The following ANKS1B variants were observed in gnomAD, a reference collection of about 807,000 sequenced individuals.
ANKS1B encodes ankyrin repeat and sterile alpha motif domain containing 1B.
A neutral mutation model predicts 148.3 loss-of-function variants in ANKS1B; 36 were observed. The observed-to-expected ratio is 0.24, with a 90% CI of 0.19 to 0.32. The LOEUF (loss-of-function observed/expected upper bound fraction) is 0.32. ANKS1B is among the 10% of genes least tolerant of loss of function. ANKS1B has a pLI of 1.00. For missense variants in ANKS1B, 1,157 were observed against 1,542.6 expected (o/e 0.75, Z 4.19); for synonymous variants, 542 against 560.8 (o/e 0.97, Z 0.47).
At chr12:99,751,088 G>C (rs544522554) in intron 8 of ANKS1B, among the ~76,000 whole-genome samples, 5 of 151,718 alleles carry the variant, frequency 3.3e-5, no homozygotes, top group Admixed American at 6.6e-5. Flanking sequence ...ATATTCATAA[G>C]TAGTCTACAT....
intron 1 of ANKS1B, among the ~76,000 whole-genome samples, chr12:99,843,048 AGTTT>A (rs2086024171): frequency 6.6e-6 from 1 of 151,934 alleles, no homozygotes; most frequent in South Asian, 2.1e-4. Context: ...TAGTTTCTTC[AGTTT>A]GTTTGTTTGT....
intron 15 of ANKS1B, among the ~76,000 whole-genome samples, chr12:99,091,033 T>A (rs1042865803): frequency 3.9e-5 from 6 of 152,144 alleles, no homozygotes; most frequent in Non-Finnish European, 5.9e-5. Context: ...CAATAAAATT[T>A]CTTGCATACA....
chr12:99,883,373 T>C (rs1439430409), intron 1 of ANKS1B, among the ~76,000 whole-genome samples: 2 of 152,156 alleles, frequency 1.3e-5, no homozygotes, highest in Non-Finnish European at 2.9e-5. Flanking sequence ...TCACGCATTA[T>C]ACAGAACTTA....
At chr12:99,519,077 G>A (rs1295142425) in intron 9 of ANKS1B, among the ~76,000 whole-genome samples, 1 of 151,992 alleles carries the variant, frequency 6.6e-6, no homozygotes. Flanking sequence ...ATTTTGGCCA[G>A]AGAAAATGCT....
intron 12 of ANKS1B, among the ~76,000 whole-genome samples, chr12:99,344,416 T>C (rs1466279988): frequency 6.6e-6 from 1 of 152,068 alleles, no homozygotes; most frequent in Non-Finnish European, 1.5e-5. Flanking sequence ...GAATGGATTC[T>C]TAGGTTTTTG....
chr12:99,801,327 A>C (rs2066924535), intron 4 of ANKS1B, among the ~76,000 whole-genome samples: 2 of 152,184 alleles, frequency 1.3e-5, no homozygotes, highest in African/African-American at 4.8e-5. Flanking sequence ...TCAAGAAGTC[A>C]CCAGTGAACT....
chr12:99,801,158 T>C (rs1230913670), intron 4 of ANKS1B, among the ~76,000 whole-genome samples: 1 of 152,282 alleles, frequency 6.6e-6, no homozygotes, highest in African/African-American at 2.4e-5. Flanking sequence ...GTAACCAACA[T>C]GATGCAAGCA....
At chr12:99,456,136 C>T (rs1487681190) in intron 10 of ANKS1B, among the ~76,000 whole-genome samples, 1 of 152,092 alleles carries the variant, frequency 6.6e-6, no homozygotes, top group Non-Finnish European at 1.5e-5. Flanking sequence ...AGCCTGGAGC[C>T]CAGTAGCTCC....
At chr12:99,929,422 A>G (rs976071351) in intron 1 of ANKS1B, among the ~76,000 whole-genome samples, 4 of 152,074 alleles carry the variant, frequency 2.6e-5, no homozygotes, top group Admixed American at 6.6e-5. Flanking sequence ...AGTAGGTTGC[A>G]AAAATTTTCT....
chr12:99,598,839 C>T (rs1218192515), intron 9 of ANKS1B, among the ~76,000 whole-genome samples: 2 of 152,042 alleles, frequency 1.3e-5, no homozygotes, highest in African/African-American at 4.8e-5. Flanking sequence ...AAACTTGTTA[C>T]TTAAAACAAC....
intron 8 of ANKS1B, among the ~76,000 whole-genome samples, chr12:99,700,741 C>T (rs1292140540): frequency 6.6e-6 from 1 of 152,146 alleles, no homozygotes; most frequent in Non-Finnish European, 1.5e-5. Flanking sequence ...TAAAGGGGAA[C>T]TACTGTATTC....
chr12:98,901,019 C>T (rs2099771248), intron 17 of ANKS1B, among the ~76,000 whole-genome samples: 1 of 151,970 alleles, frequency 6.6e-6, no homozygotes, highest in Non-Finnish European at 1.5e-5. Flanking sequence ...ACTAATATTG[C>T]ATTTATCATT....
chr12:99,075,626 C>T lies in ANKS1B; in HGVS notation c.2625+9299G>A, dbSNP rs1349201520. On this transcript the variant is annotated intron_variant, in intron 16 of 26. Coordinates refer to ENST00000683438, the MANE Select transcript of ANKS1B (RefSeq NM_001352186.2). ...TGATTACTCTTTCTTCCTTTCTCAT[C>T]CAATGGCACCAATGATTTCTTTCTT... Among the ~76,000 whole-genome samples the T allele has an allele frequency of 2.0e-5, 3 of 152,056 alleles. No individual in the cohort carries two copies. The East Asian group carries it at 5.8e-4, about 29-fold the overall frequency.
chr12:99,609,654 CAG>C (rs1319316963), intron 9 of ANKS1B, among the ~76,000 whole-genome samples: 1 of 151,954 alleles, frequency 6.6e-6, no homozygotes, highest in Non-Finnish European at 1.5e-5. Flanking sequence ...CTCTGGCTGA[CAG>C]AGATCAGGGG....
chr12:99,687,813 T>A (rs916988344), intron 8 of ANKS1B, among the ~76,000 whole-genome samples: 5 of 152,202 alleles, frequency 3.3e-5, no homozygotes, highest in African/African-American at 1.2e-4. Flanking sequence ...TTGTCTCTGT[T>A]TCTACTGATT....
chr12:99,365,581 G>A (rs2092720356), intron 12 of ANKS1B, among the ~76,000 whole-genome samples: 1 of 152,144 alleles, frequency 6.6e-6, no homozygotes, highest in East Asian at 1.9e-4. Flanking sequence ...GGGCCCATAT[G>A]GATGGATCAG....
chr12:99,248,853 C>T (rs780744983), intron 12 of ANKS1B, among the ~76,000 whole-genome samples: 26 of 152,138 alleles, frequency 1.7e-4, no homozygotes, highest in Non-Finnish European at 2.8e-4. Flanking sequence ...GTTGGTTTAT[C>T]CATAGGACAA....
In ANKS1B at chr12:99,369,210, A is replaced by C. The variant is rs57322559; in HGVS notation, c.1756+30421T>G. 4.5e-3 allele frequency among the ~76,000 whole-genome samples: 689 copies of C among 152,356 alleles called. 3 individuals carry two copies. Among genetic ancestry groups the C allele is most frequent in the African/African-American group, 0.016 (647 of 41,584 alleles). ...TAATGTGATGCAATATAAGGTACTCAGAATCACCTATGAAGTACCATACTC... is the reference window on the plus strand; with the variant it reads ...TAATGTGATGCAATATAAGGTACTCCGAATCACCTATGAAGTACCATACTC... On this transcript the variant is annotated intron_variant, in intron 12 of 26. Coordinates refer to ENST00000683438, the MANE Select transcript of ANKS1B (RefSeq NM_001352186.2).
At chr12:99,258,321 T>A (rs2075524635) in intron 12 of ANKS1B, among the ~76,000 whole-genome samples, 1 of 151,826 alleles carries the variant, frequency 6.6e-6, no homozygotes, top group Non-Finnish European at 1.5e-5. Flanking sequence ...ATAAAGCAAA[T>A]CCTTTTAAAA....
Sources: allele counts gnomAD v4.1 joint callset (sites outside exome capture counted in the v4.1 genomes callset), GRCh38; gene constraint gnomAD v4.1.1; transcripts MANE v1.5; gene names NCBI Gene and HGNC (gene_info 2026-07-23, HGNC 2026-07-21).